The following PCNT variants were observed in gnomAD, a reference collection of about 807,000 sequenced individuals.
The protein encoded by PCNT is pericentrin.
Under a neutral mutation model 380.4 loss-of-function variants are expected in PCNT, and 319 were observed. The ratio of observed to expected loss-of-function variants is 0.84; its 90% CI spans 0.77 to 0.92. The LOEUF is 0.92. Ranked by LOEUF, PCNT falls within the 40% of genes least tolerant of loss-of-function variation. The probability of loss-of-function intolerance (pLI) is 0.00; values close to 1 mark genes in which losing one functional copy is unlikely to be tolerated. For missense variants in PCNT, 4,400 were observed against 4,255.3 expected, an observed-to-expected ratio of 1.03 and a Z score of -0.95; for synonymous variants, 1,845 against 1,735.2, an observed-to-expected ratio of 1.06 and a Z score of -1.57.
chr21:46,391,496 C>A, intron 21 of PCNT, 120 bp downstream of exon 21: 2 of 802,676 alleles, frequency 2.5e-6, no homozygotes, highest in Non-Finnish European at 3.9e-6. Context: ...AACCAGCACG[C>A]AGCTTCTCCT....
rs144810300 is a variant in PCNT, at chr21:46,363,764, C to G, written c.2439C>G (p.Ser813=). The G allele has an allele frequency of 1.2e-6, 2 of 1,614,126 alleles. No homozygotes were observed. Among genetic ancestry groups the G allele is most frequent in the Non-Finnish European group, 1.7e-6 (2 of 1,179,986 alleles). Residue 813 remains serine, a synonymous_variant, in exon 14 of 47, where the codon TCC becomes TCG. Transcript: ENST00000359568. ...QAAQILDLER[S]LTEQQGRLQQ... ...CCCAGATCCTGGATCTGGAGAGGTCCTTGACGGAGCAGCAGGGCCGCCTGC... is the reference window on the plus strand; with the variant it reads ...CCCAGATCCTGGATCTGGAGAGGTCGTTGACGGAGCAGCAGGGCCGCCTGC...
At position 46,334,620 on chromosome 21, in the gene PCNT, A is replaced by G. The variant is rs1405632021; in HGVS notation, c.491A>G (p.His164Arg). ...CATGGGATGTTCACAGTCAGTGACC[A>G]CCCACCAGAACAGCGTGGGATGTTC... ...EQHGMFTVSD[H>R]PPEQRGMFTI... Residue 164 changes from histidine to arginine, a missense_variant, in exon 3 of 47, where the codon CAC (histidine) becomes CGC (arginine). Physicochemically the swap from His to Arg is conservative, Grantham distance 29. Transcript: ENST00000359568. The G allele has an allele frequency of 1.2e-6, 2 of 1,608,182 alleles. No homozygotes were observed. The highest frequency in any genetic ancestry group is 1.7e-6 in the Non-Finnish European group (2 of 1,175,652).
At position 46,326,752 on chromosome 21, in the gene PCNT, G is replaced by A. The variant is rs78438362; in HGVS notation, c.267+163G>A. On this transcript the variant is annotated intron_variant, in intron 2 of 46. Transcript: ENST00000359568. ...GTGAGGGCCGGGTGCAGTGGCTTAC[G>A]CCTGTAATCCCCGCACTTTGGGAGG... Among the ~76,000 whole-genome samples, 2,899 of 152,254 alleles carry A rather than the reference G, an allele frequency of 0.019. 35 individuals are homozygous for A. The highest frequency in any genetic ancestry group is 0.028 in the Non-Finnish European group (1,899 of 68,014).
At chr21:46,437,139 C>CGGCAGCTTTGT in intron 40 of PCNT, 58 bp downstream of exon 40, 1 of 1,145,344 alleles carries the variant, frequency 8.7e-7, no homozygotes, top group South Asian at 1.2e-5. Context: ...GGGGCCCTCT[C>CGGCAGCTTTGT]GGCAGCTTTG....
In PCNT at chr21:46,385,944, C is replaced by G; in HGVS notation, c.3425C>G (p.Ser1142Cys). ...RENREGANLL[S>C]MLKADVNLSH... The stretch of plus-strand genomic sequence containing the variant: ...AACCGGGAAGGCGCAAACCTCCTCT[C>G]CATGCTCAAGGCCGACGTCAACCTG... Residue 1142 changes from serine (S) to cysteine (C), a missense_variant, in exon 17 of 47, where the codon TCC (serine) becomes TGC (cysteine). Ser to Cys is a moderately radical substitution (Grantham distance 112, BLOSUM62 -1). Transcript: ENST00000359568. The G allele has an allele frequency of 3.7e-6, 6 of 1,614,194 alleles. No homozygotes were observed. Among genetic ancestry groups the G allele is most frequent in the Non-Finnish European group, 5.1e-6 (6 of 1,180,038 alleles).
chr21:46,366,642 C>G lies in PCNT; in HGVS notation c.2668C>G (p.Leu890Val). ...EKFSAEQDAFLQEAQEQHARE... is the reference protein window; with the variant it reads ...EKFSAEQDAFVQEAQEQHARE... ...ATTCAGTGCGGAACAAGATGCCTTC[C>G]TGCAGGAGGCCCAGGAGCAGCATGC... The change falls in exon 15 of 47, where the codon CTG (leucine) becomes GTG (valine). Residue 890 changes from leucine (L) to valine (V), a missense_variant. Coordinates refer to ENST00000359568, the MANE Select transcript of PCNT (RefSeq NM_006031.6). 1 of 1,614,048 alleles carries G rather than the reference C, an allele frequency of 6.2e-7. No homozygotes were observed. Among genetic ancestry groups the G allele is most frequent in the Non-Finnish European group, 8.5e-7 (1 of 1,180,004 alleles).
At chr21:46,379,607 T>G (rs2085446237) in intron 15 of PCNT, among the ~76,000 whole-genome samples, 1 of 152,184 alleles carries the variant, frequency 6.6e-6, no homozygotes. Context: ...CCACAGGCCT[T>G]GGAGACTGCT....
At chr21:46,394,660 T>G (rs1334654801) in intron 21 of PCNT, 2 of 233,448 alleles carry the variant, frequency 8.6e-6, no homozygotes, top group African/African-American at 4.7e-5. Context: ...ACAGCGATAC[T>G]CTAATCTTCA....
Position 46,346,903 on chromosome 21 carries a change from T to G in PCNT, c.881T>G (p.Leu294Arg). 1 of 1,604,730 alleles carries G rather than the reference T, an allele frequency of 6.2e-7. No individual in the cohort carries two copies. The highest frequency in any genetic ancestry group is 8.5e-7 in the Non-Finnish European group (1 of 1,176,670). ...AGCCGGCGTGCCCAGGAGCTGGCCC[T>G]GCTACAGAGCAGGCAGCAGCACGAG... ...LNSRRAQELA[L>R]LQSRQQHELE... is the part of the protein sequence containing the mutation. The change falls in exon 5 of 47, where the codon CTG becomes CGG. Residue 294 changes from leucine to arginine, a missense_variant. Leu to Arg is a moderately radical substitution (Grantham distance 102). Transcript: ENST00000359568.
intron 12 of PCNT, among the ~76,000 whole-genome samples, chr21:46,356,059 G>T (rs112866716): frequency 6.6e-6 from 1 of 152,242 alleles, no homozygotes; most frequent in African/African-American, 2.4e-5. Flanking sequence ...AGGGCACGGG[G>T]CACAGGGCTG....
Position 46,334,730 on chromosome 21 carries a change from A to G in PCNT, c.601A>G (p.Ser201Gly). Residue 201 changes from serine to glycine, a missense_variant, in exon 3 of 47, where the codon AGT becomes GGT. Physicochemically the swap from Ser to Gly is moderately conservative, Grantham distance 56. Coordinates refer to ENST00000359568, the MANE Select transcript of PCNT (RefSeq NM_006031.6). ...AGAACAGCGTGGGATCTTCACAATC[A>G]GTGACCACCCAGCAGAACAGCGTGG... Reference protein sequence around the residue: ...TPEQRGIFTISDHPAEQRGMF... With the variant: ...TPEQRGIFTIGDHPAEQRGMF... The G allele has an allele frequency of 5.6e-6, 9 of 1,613,910 alleles. No homozygotes were observed. The highest frequency in any genetic ancestry group is 7.6e-6 in the Non-Finnish European group (9 of 1,179,810).
intron 13 of PCNT, among the ~76,000 whole-genome samples, chr21:46,361,334 T>C (rs1471968805): frequency 6.6e-6 from 1 of 152,228 alleles, no homozygotes; most frequent in Non-Finnish European, 1.5e-5. Context: ...GAGGTTGCAG[T>C]GAGCCACAAT....
chr21:46,430,081 G>A lies in PCNT; in HGVS notation c.7762G>A (p.Glu2588Lys). ...TGACTTGCAGAAGACGCTGAGTGAAGAGCAAGAGAAGGCAAACAGCGTGCA... is the reference window on the plus strand; with the variant it reads ...TGACTTGCAGAAGACGCTGAGTGAAAAGCAAGAGAAGGCAAACAGCGTGCA... Reference protein sequence around the residue: ...AGDLQKTLSEEQEKANSVQKL... With the variant: ...AGDLQKTLSEKQEKANSVQKL... The change falls in exon 36 of 47, where the codon GAG (glutamate) becomes AAG (lysine). Residue 2588 changes from glutamate to lysine, a missense_variant. Transcript: ENST00000359568. 6.2e-7 allele frequency: 1 copy of A among 1,614,226 alleles called. No homozygotes were observed. Among genetic ancestry groups the A allele is most frequent in the Non-Finnish European group, 8.5e-7 (1 of 1,180,026 alleles).
At position 46,418,392 on chromosome 21, in the gene PCNT, C is replaced by A. The variant is rs752650745; in HGVS notation, c.7024+86C>A. 1,326 of 868,802 alleles carry A rather than the reference C, an allele frequency of 1.5e-3. 10 individuals are homozygous for A. The highest frequency in any genetic ancestry group is 5.4e-3 in the Middle Eastern group (25 of 4,656). 53.8% of individuals were successfully genotyped at this position (868,802 alleles called of 1,614,324 possible). ...TCAAAAGAATTCCTGCATCCTTTGC[C>A]TGGTTCTGCGTCTGCCCCCCGCTGA... On this transcript the variant is annotated intron_variant, in intron 31 of 46. Transcript: ENST00000359568.
At chr21:46,368,420 C>A (rs2085004915) in intron 15 of PCNT, among the ~76,000 whole-genome samples, 1 of 151,976 alleles carries the variant, frequency 6.6e-6, no homozygotes, top group South Asian at 2.1e-4. Flanking sequence ...TGCACTCCAG[C>A]CTGGGAGACA....
rs776508471 is a variant in PCNT, at chr21:46,326,605, G to T, written c.267+16G>T. ...TGCAGCTCAGGTAGATTTGCTCAAT[G>T]TTGTATTTGAACATTTCGCTTATCT... On this transcript the variant is annotated intron_variant, in intron 2 of 46. Transcript: ENST00000359568. 18 of 1,608,186 alleles carry T rather than the reference G, an allele frequency of 1.1e-5. No homozygotes were observed. Among genetic ancestry groups the T allele is most frequent in the Non-Finnish European group, 1.5e-5 (18 of 1,174,766 alleles).
rs1224075114 is a variant in PCNT at position 46,324,248 on chromosome 21, A to T, written c.20A>T (p.Gln7Leu). 1 of 1,612,194 alleles carries T rather than the reference A, an allele frequency of 6.2e-7. No homozygotes were observed. Among genetic ancestry groups the T allele is most frequent in the Non-Finnish European group, 8.5e-7 (1 of 1,179,192 alleles). The change falls in exon 1 of 47, where the codon CAG (glutamine) becomes CTG (leucine). Residue 7 changes from glutamine to leucine, a missense_variant. Coordinates refer to ENST00000359568, the MANE Select transcript of PCNT (RefSeq NM_006031.6). The stretch of plus-strand genomic sequence containing the variant: ...AGGGAGATGGAAGTTGAGCAAGAGC[A>T]GCGGCGCAGAAAGGTGGAGGCCGGG... The part of the protein sequence containing the change: MEVEQE[Q>L]RRRKVEAGRT...
chr21:46,386,028 C>T (rs772435990), intron 17 of PCNT, 45 bp downstream of exon 17: 6 of 1,609,810 alleles, frequency 3.7e-6, no homozygotes, highest in African/African-American at 2.7e-5. Context: ...GCCGCCAGCA[C>T]CCGCTGGGTC....
chr21:46,378,360 G>C (rs1445854843), intron 15 of PCNT, among the ~76,000 whole-genome samples: 1 of 152,170 alleles, frequency 6.6e-6, no homozygotes, highest in Non-Finnish European at 1.5e-5. Flanking sequence ...TGGTGTCTCT[G>C]GCACGTCTGA....
Sources: gnomAD v4.1 joint callset for allele counts (sites outside exome capture counted in the v4.1 genomes callset) on GRCh38, gnomAD v4.1.1 for gene constraint, MANE v1.5 for transcripts, NCBI Gene and HGNC (gene_info 2026-07-23, HGNC 2026-07-21) for gene names.